The following CUL4B variants were observed in gnomAD, a reference collection of about 807,000 sequenced individuals.
The protein encoded by CUL4B is cullin 4B.
CUL4B carries 1 observed loss-of-function variant against 69.2 expected under a neutral mutation model. That is an observed-to-expected ratio of 0.01 (90% CI 0.01 to 0.07). CUL4B has a LOEUF of 0.07. Ranked by LOEUF, CUL4B falls within the 10% of genes least tolerant of loss-of-function variation. The pLI is 1.00. For synonymous variants in CUL4B, 237 were observed against 223.2 expected (o/e 1.06, Z -0.55); for missense variants, 328 against 638.8 (o/e 0.51, Z 5.24).
chrX:120,567,019 T>C (rs1925570703), downstream of CUL4B, among the ~76,000 whole-genome samples: 1 of 111,610 alleles, frequency 9.0e-6, no homozygotes, highest in Non-Finnish European at 1.9e-5. Flanking sequence ...TTCTGTTTAC[T>C]TTATCGATGT....
At chrX:120,528,044 A>G (rs1923087310) in intron 19 of CUL4B, among the ~76,000 whole-genome samples, 1 of 112,340 alleles carries the variant, frequency 8.9e-6, no homozygotes, top group African/African-American at 3.2e-5. Context: ...TTCATGAAGC[A>G]CACCTTTACT....
rs777238263 is a variant in CUL4B at position 120,560,490 on chromosome X, T to TTACTGCTGC, written c.140_148dup (p.Ser47_Ser49dup). 1.7e-6 allele frequency: 2 copies of TTACTGCTGC among 1,210,588 alleles called. No individual in the cohort carries two copies. The highest frequency in any genetic ancestry group is 5.9e-5 in the East Asian group (2 of 33,790). On this transcript the variant is annotated inframe_insertion, in exon 1 of 20. Coordinates refer to ENST00000371322, the MANE Select transcript of CUL4B (RefSeq NM_001079872.2). ...AAAGTCTTCTCTCTCGTTACTACTG[T>TTACTGCTGC]TACTGCTGCTACTGCTGCTGCTGTT...
At chrX:120,553,761 A>C (rs1320783374) in intron 2 of CUL4B, among the ~76,000 whole-genome samples, 3 of 111,156 alleles carry the variant, frequency 2.7e-5, no homozygotes, top group Admixed American at 9.7e-5. Flanking sequence ...AAACAAAACA[A>C]AACACTGCGG....
chrX:120,548,703 G>A (rs991442554), intron 2 of CUL4B, among the ~76,000 whole-genome samples: 2 of 109,868 alleles, frequency 1.8e-5, no homozygotes, highest in African/African-American at 3.3e-5. Flanking sequence ...ACATGGTGGT[G>A]CACGCCTGTA....
At chrX:120,531,750 G>A (rs1329946628) in intron 18 of CUL4B, among the ~76,000 whole-genome samples, 2 of 111,466 alleles carry the variant, frequency 1.8e-5, no homozygotes, top group Admixed American at 9.6e-5. Context: ...GTGAACCACC[G>A]TACCTGGCCC....
chrX:120,527,427 T>A (rs1923044014), intron 19 of CUL4B, among the ~76,000 whole-genome samples: 1 of 110,387 alleles, frequency 9.1e-6, no homozygotes, highest in South Asian at 3.9e-4. Flanking sequence ...TTAATTTTTT[T>A]AATAGACAGG....
intron 18 of CUL4B, 172 bp downstream of exon 18, chrX:120,532,250 A>C: frequency 2.3e-6 from 1 of 438,075 alleles, no homozygotes; most frequent in African/African-American, 2.4e-5. Context: ...AATCCTGTAC[A>C]ACCACTCTCC....
intron 19 of CUL4B, among the ~76,000 whole-genome samples, chrX:120,529,425 A>G (rs1378667542): frequency 1.8e-5 from 2 of 111,622 alleles, no homozygotes; most frequent in African/African-American, 6.5e-5. Flanking sequence ...GTGATTTATG[A>G]AAGTCCAAAG....
At chrX:120,543,912 G>A in intron 7 of CUL4B, 103 bp from the exon 8 acceptor site, 1 of 639,998 alleles carries the variant, frequency 1.6e-6, no homozygotes, top group Non-Finnish European at 2.5e-6. Context: ...ATGTGACAGG[G>A]TAGAATCATA....
chrX:120,549,120 A>T (rs2147339317), intron 2 of CUL4B, among the ~76,000 whole-genome samples: 1 of 112,368 alleles, frequency 8.9e-6, no homozygotes, highest in African/African-American at 3.2e-5. Flanking sequence ...TTCCTTTCTC[A>T]CCACAACAGA....
Position 120,524,456 on chromosome X carries a change from T to C in CUL4B, c.*2305A>G, listed in dbSNP as rs934333168. On this transcript the variant is annotated 3_prime_UTR_variant, in exon 20 of 20. Coordinates refer to ENST00000371322, the MANE Select transcript of CUL4B (RefSeq NM_001079872.2). ...AACCATGCCCTCCCCCATACTCTTATAGCATTACCACAAAACCATTACAAA... is the reference window on the plus strand; with the variant it reads ...AACCATGCCCTCCCCCATACTCTTACAGCATTACCACAAAACCATTACAAA... Among the ~76,000 whole-genome samples, 2 of 111,594 alleles carry C rather than the reference T, an allele frequency of 1.8e-5. No homozygotes were observed. The highest frequency in any genetic ancestry group is 4.2e-3 in the Middle Eastern group (1 of 239).
At chrX:120,536,753 C>A (rs368566396) in intron 15 of CUL4B, among the ~76,000 whole-genome samples, 174 bp downstream of exon 15, 1 of 111,848 alleles carries the variant, frequency 8.9e-6, no homozygotes, top group Non-Finnish European at 1.9e-5. Context: ...CCCAGCACTT[C>A]GGAAGGCTGA....
At chrX:120,563,368 G>A (rs988373857), upstream of CUL4B, among the ~76,000 whole-genome samples, 1 of 111,750 alleles carries the variant, frequency 8.9e-6, no homozygotes, top group Non-Finnish European at 1.9e-5. Context: ...TTGAGTACCT[G>A]GGACTACAGG....
chrX:120,568,486 A>G (rs1026636765), downstream of CUL4B, among the ~76,000 whole-genome samples: 2 of 111,868 alleles, frequency 1.8e-5, no homozygotes, highest in Non-Finnish European at 3.8e-5. Context: ...TTCTATTACC[A>G]AGTCATGTAT....
intron 7 of CUL4B, 139 bp from the exon 8 acceptor site, chrX:120,543,948 T>TG: frequency 1.7e-6 from 1 of 572,258 alleles, no homozygotes; most frequent in Non-Finnish European, 2.9e-6. Context: ...GTAGAGTTTA[T>TG]GATCCAGAAT....
chrX:120,574,740 C>T, intron 1 of CUL4B: 1 of 652,122 alleles, frequency 1.5e-6, no homozygotes, highest in Admixed American at 2.5e-5. Context: ...CTATTTGTTC[C>T]ATATCTTCAA....
At chrX:120,529,086 T>C (rs1460741133) in intron 19 of CUL4B, among the ~76,000 whole-genome samples, 1 of 111,839 alleles carries the variant, frequency 8.9e-6, no homozygotes, top group African/African-American at 3.2e-5. Flanking sequence ...CTCTTAATTA[T>C]GGTGAAAGAC....
Position 120,560,754 on chromosome X carries a change from GAAACACAGAGGACGAGAAGGAAAGTGAA to G in CUL4B, c.-144_-117del. The G allele has an allele frequency of 1.2e-6, 1 of 813,461 alleles. No homozygotes were observed. The highest frequency in any genetic ancestry group is 1.5e-6 in the Non-Finnish European group (1 of 650,099). 67.0% of individuals were successfully genotyped at this position (813,461 alleles called of 1,213,427 possible). A position where few individuals can be genotyped will look rare whatever the true frequency, so the allele number is the denominator to read the frequency against. On this transcript the variant is annotated 5_prime_UTR_variant, in exon 1 of 20. Transcript: ENST00000371322. ...GGGGAAGGGAAGAAAGAAGAGAGGA[GAAACACAGAGGACGAGAAGGAAAGTGAA>G]GGGGGGGGCTACACCGGGGGAATGG... is the stretch of plus-strand genomic sequence containing the variant.
Position 120,540,384 on chromosome X carries a change from G to A in CUL4B, c.1622C>T (p.Pro541Leu). ...GGAAAACATACCTATAAGTTCAGCT[G>A]GTTTATTTGGTCTTTTGTTAATGAA... ...ETFINKRPNK[P>L]AELIAKYVDS... Residue 541 changes from proline to leucine, a missense_variant, in exon 11 of 20, where the codon CCA (proline) becomes CTA (leucine). Transcript: ENST00000371322. The A allele has an allele frequency of 8.3e-7, 1 of 1,207,727 alleles. No homozygotes were observed. Among genetic ancestry groups the A allele is most frequent in the Non-Finnish European group, 1.1e-6 (1 of 892,179 alleles).
Sources: allele counts gnomAD v4.1 joint callset (sites outside exome capture counted in the v4.1 genomes callset), GRCh38; gene constraint gnomAD v4.1.1; transcripts MANE v1.5; gene names NCBI Gene and HGNC (gene_info 2026-07-23, HGNC 2026-07-21).